Variants in CPT1A observed in about 807,000 individuals in gnomAD.
CPT1A encodes the protein carnitine palmitoyltransferase 1A.
In CPT1A, 64 loss-of-function variants were observed where a neutral mutation model predicts 100.8. That is an observed-to-expected ratio of 0.63 (90% CI 0.52 to 0.78). The LOEUF is 0.78. CPT1A is among the 30% of genes least tolerant of loss of function. The pLI, the probability that CPT1A is intolerant of heterozygous loss-of-function variation, is 0.00. For synonymous variants in CPT1A, 363 were observed against 396.0 expected (o/e 0.92, Z 0.99); for missense variants, 802 against 1,034.1 (o/e 0.78, Z 3.08).
At chr11:68,770,270 T>C (rs116247510) in intron 14 of CPT1A, among the ~76,000 whole-genome samples, 1,606 of 152,304 alleles carry the variant, frequency 0.011, 31 homozygotes, top group African/African-American at 0.037. Flanking sequence ...CATTCTCTTA[T>C]TATATTTCCC....
chr11:68,780,593 T>C, intron 12 of CPT1A, 47 bp downstream of exon 12: 1 of 1,569,182 alleles, frequency 6.4e-7, no homozygotes, highest in Non-Finnish European at 8.8e-7. Context: ...CAGGTTTGGA[T>C]TTTCAAAAGC....
At chr11:68,820,560 G>A (rs1029573553) in intron 1 of CPT1A, among the ~76,000 whole-genome samples, 1 of 152,064 alleles carries the variant, frequency 6.6e-6, no homozygotes, top group Non-Finnish European at 1.5e-5. Context: ...GTGCATGCCT[G>A]TAATCCCAGC....
chr11:68,803,888 C>G, intron 5 of CPT1A, 112 bp downstream of exon 5: 2 of 823,796 alleles, frequency 2.4e-6, no homozygotes, highest in Non-Finnish European at 4.2e-6. Flanking sequence ...ACCAGGCACA[C>G]CGCTGAAGGC....
At chr11:68,786,726 A>C (rs1166430350) in intron 9 of CPT1A, among the ~76,000 whole-genome samples, 2 of 152,094 alleles carry the variant, frequency 1.3e-5, no homozygotes, top group African/African-American at 4.8e-5. Context: ...ATGGGGTTTC[A>C]CCGTGTTGGC....
intron 14 of CPT1A, among the ~76,000 whole-genome samples, chr11:68,763,883 G>A (rs1407260699): frequency 6.6e-6 from 1 of 152,138 alleles, no homozygotes; most frequent in Non-Finnish European, 1.5e-5. Flanking sequence ...GAACCCGGGA[G>A]CCTCTGCAGG....
At chr11:68,800,765 T>C (rs1855885645) in intron 5 of CPT1A, among the ~76,000 whole-genome samples, 1 of 152,146 alleles carries the variant, frequency 6.6e-6, no homozygotes, top group Admixed American at 6.5e-5. Context: ...GGTGCAACAG[T>C]AATCTCTCTA....
chr11:68,761,210 C>T (rs1452167440), intron 16 of CPT1A, among the ~76,000 whole-genome samples: 1 of 149,948 alleles, frequency 6.7e-6, no homozygotes, highest in Admixed American at 6.7e-5. Context: ...CATAAACTTA[C>T]AATAAAATAA....
chr11:68,759,836 C>T (rs1421698341), intron 17 of CPT1A, among the ~76,000 whole-genome samples, 175 bp from the exon 18 acceptor site: 1 of 151,314 alleles, frequency 6.6e-6, no homozygotes, highest in Admixed American at 6.6e-5. Flanking sequence ...GAGACCAGCC[C>T]GGACAACATG....
At chr11:68,781,382 G>A (rs926873485) in intron 11 of CPT1A, among the ~76,000 whole-genome samples, 8 of 152,208 alleles carry the variant, frequency 5.3e-5, no homozygotes, top group Non-Finnish European at 8.8e-5. Flanking sequence ...CACTTTGAGA[G>A]GCTGAGGTGG....
chr11:68,828,921 G>A (rs1208253105), intron 1 of CPT1A, among the ~76,000 whole-genome samples: 1 of 152,142 alleles, frequency 6.6e-6, no homozygotes, highest in Non-Finnish European at 1.5e-5. Flanking sequence ...TCTGGCTTCT[G>A]AACTAGTAGG....
chr11:68,820,664 A>G (rs1020556269), intron 1 of CPT1A, among the ~76,000 whole-genome samples: 2 of 152,144 alleles, frequency 1.3e-5, no homozygotes, highest in African/African-American at 4.8e-5. Flanking sequence ...CCTGGGGTAC[A>G]GAGTGAGACT....
intron 9 of CPT1A, among the ~76,000 whole-genome samples, chr11:68,791,267 C>T (rs1323510554): frequency 6.6e-6 from 1 of 152,232 alleles, no homozygotes; most frequent in Non-Finnish European, 1.5e-5. Flanking sequence ...CTCCCCAGGA[C>T]ACCCTGACCC....
rs149112867 is a variant in CPT1A at position 68,796,290 on chromosome 11, C to T, written c.771+566G>A. 3.3e-3 allele frequency among the ~76,000 whole-genome samples: 494 copies of T among 151,918 alleles called. 3 individuals are homozygous for T. Among genetic ancestry groups the T allele is most frequent in the African/African-American group, 0.012 (478 of 41,406 alleles). ...CAGCAGGACAGGCCGGGCACGGTGG[C>T]TCACACCTGTAATCCCAGCACTTAG... On this transcript the variant is annotated intron_variant, in intron 7 of 18. Coordinates refer to ENST00000265641, the MANE Select transcript of CPT1A (RefSeq NM_001876.4).
chr11:68,842,801 T>G (rs1471615467), upstream of CPT1A, among the ~76,000 whole-genome samples: 1 of 151,366 alleles, frequency 6.6e-6, no homozygotes, highest in East Asian at 1.9e-4. Flanking sequence ...ACCCAGGGGG[T>G]TGAGGGGGAG....
At chr11:68,838,724 C>T (rs1410278178) in intron 1 of CPT1A, among the ~76,000 whole-genome samples, 3 of 152,134 alleles carry the variant, frequency 2.0e-5, no homozygotes, top group African/African-American at 7.2e-5. Flanking sequence ...CAGATGCACT[C>T]CACCAGGCCC....
intron 5 of CPT1A, among the ~76,000 whole-genome samples, chr11:68,802,255 T>C (rs563657414): frequency 2.5e-4 from 38 of 150,228 alleles, no homozygotes; most frequent in Non-Finnish European, 5.1e-4. Flanking sequence ...TTGAAAATGG[T>C]TAACAGTACA....
At chr11:68,835,267 G>T (rs35956171) in intron 1 of CPT1A, among the ~76,000 whole-genome samples, 1 of 152,044 alleles carries the variant, frequency 6.6e-6, no homozygotes, top group Admixed American at 6.6e-5. Flanking sequence ...CACTCGGGCA[G>T]GAGCTCAGAC....
chr11:68,770,683 G>T (rs1854962438), intron 14 of CPT1A, among the ~76,000 whole-genome samples: 1 of 152,210 alleles, frequency 6.6e-6, no homozygotes, highest in South Asian at 2.1e-4. Context: ...TGTATGACTG[G>T]ATTTACTGAC....
intron 10 of CPT1A, among the ~76,000 whole-genome samples, chr11:68,783,374 G>A (rs971188206): frequency 5.4e-5 from 8 of 147,280 alleles, no homozygotes; most frequent in South Asian, 2.3e-4. Flanking sequence ...GCTTGGCACC[G>A]TGGCCCAGCT....
Sources: gnomAD v4.1 joint callset for allele counts (sites outside exome capture counted in the v4.1 genomes callset) on GRCh38, gnomAD v4.1.1 for gene constraint, MANE v1.5 for transcripts, NCBI Gene and HGNC (gene_info 2026-07-23, HGNC 2026-07-21) for gene names.